Variants in NSMCE2 observed in about 807,000 individuals in gnomAD.
The protein encoded by NSMCE2 is E3 SUMO-protein ligase NSE2.
NSMCE2 carries 24 observed loss-of-function variants against 23.8 expected under a neutral mutation model. That is an observed-to-expected ratio of 1.01 (90% CI 0.73 to 1.42). The LOEUF (loss-of-function observed/expected upper bound fraction) is 1.42. Among genes scored for constraint, NSMCE2 ranks in the 40% most tolerant of loss-of-function variants. The pLI, the probability that NSMCE2 is intolerant of heterozygous loss-of-function variation, is 0.00. For synonymous variants in NSMCE2, 92 were observed against 94.1 expected, an observed-to-expected ratio of 0.98 and a Z score of 0.13; for missense variants, 284 against 296.5, an observed-to-expected ratio of 0.96 and a Z score of 0.31.
In NSMCE2 at chr8:125,099,233, G is replaced by A. The variant is rs543805181; in HGVS notation, c.-110-2818G>A. 4.6e-5 allele frequency among the ~76,000 whole-genome samples: 7 copies of A among 152,220 alleles called. No homozygotes were observed. The East Asian group carries it at 1.2e-3, about 25-fold the overall frequency. ...AATACCTGCCTTGAGGAAAGATAAA[G>A]CAGAAGCAGAAGGGTGGGAATGCCT... On this transcript the variant is annotated intron_variant, in intron 1 of 7. Transcript: ENST00000287437.
chr8:125,147,738 C>T (rs913436704), intron 3 of NSMCE2, among the ~76,000 whole-genome samples: 2 of 152,158 alleles, frequency 1.3e-5, no homozygotes, highest in African/African-American at 4.8e-5. Context: ...ACCACCCCAA[C>T]CCCCAGCAAC....
At chr8:125,122,668 A>G (rs1819327145) in intron 3 of NSMCE2, among the ~76,000 whole-genome samples, 1 of 152,004 alleles carries the variant, frequency 6.6e-6, no homozygotes, top group African/African-American at 2.4e-5. Context: ...AACCAAATTG[A>G]TCTCTTCTTG....
chr8:125,218,802 T>A (rs745375838), intron 5 of NSMCE2, among the ~76,000 whole-genome samples: 1 of 152,198 alleles, frequency 6.6e-6, no homozygotes, highest in Non-Finnish European at 1.5e-5. Flanking sequence ...ACAACATGAA[T>A]AAACTTGACA....
chr8:125,168,093 G>A (rs1040679090), intron 4 of NSMCE2, among the ~76,000 whole-genome samples: 2 of 152,104 alleles, frequency 1.3e-5, no homozygotes, highest in South Asian at 2.1e-4. Flanking sequence ...ATCACTAATC[G>A]ATGGGTTTAA....
chr8:125,218,271 G>T (rs1224994208), intron 5 of NSMCE2, among the ~76,000 whole-genome samples: 5 of 152,104 alleles, frequency 3.3e-5, no homozygotes, highest in African/African-American at 9.7e-5. Context: ...TACAGATAAT[G>T]CTGAGGATTC....
intron 3 of NSMCE2, among the ~76,000 whole-genome samples, chr8:125,120,866 G>A (rs35861494): frequency 0.057 from 8,735 of 152,244 alleles, 395 homozygotes; most frequent in South Asian, 0.15. Flanking sequence ...TTCTTTGAAG[G>A]CCTTGTAGAA....
At chr8:125,249,028 G>T (rs1161768747) in intron 5 of NSMCE2, among the ~76,000 whole-genome samples, 2 of 152,096 alleles carry the variant, frequency 1.3e-5, no homozygotes, top group Non-Finnish European at 2.9e-5. Context: ...AAAATTAGCC[G>T]AGTATGGTGG....
intron 5 of NSMCE2, among the ~76,000 whole-genome samples, chr8:125,272,054 C>T (rs1827221770): frequency 7.0e-6 from 1 of 142,108 alleles, no homozygotes; most frequent in Admixed American, 7.4e-5. Flanking sequence ...CGCTCTGTCA[C>T]CTGGGCTGGA....
chr8:125,184,964 T>C (rs1350852585), intron 5 of NSMCE2, among the ~76,000 whole-genome samples: 1 of 152,228 alleles, frequency 6.6e-6, no homozygotes, highest in African/African-American at 2.4e-5. Flanking sequence ...GATGCCTGTT[T>C]TGACAGAGTA....
intron 5 of NSMCE2, among the ~76,000 whole-genome samples, chr8:125,349,973 C>A (rs147386133): frequency 6.6e-6 from 1 of 152,202 alleles, no homozygotes; most frequent in Admixed American, 6.5e-5. Context: ...TGTGTTGCCA[C>A]GTCTGCTAAA....
chr8:125,354,834 G>A (rs569374207), intron 5 of NSMCE2, among the ~76,000 whole-genome samples: 3 of 152,108 alleles, frequency 2.0e-5, no homozygotes, highest in African/African-American at 7.2e-5. Context: ...CCTCAGTACA[G>A]CTTGAGCATC....
chr8:125,180,464 G>T (rs1212870513), intron 4 of NSMCE2, among the ~76,000 whole-genome samples: 2 of 152,196 alleles, frequency 1.3e-5, no homozygotes, highest in Non-Finnish European at 2.9e-5. Flanking sequence ...TAATCAAAAT[G>T]CATAGCAATT....
chr8:125,284,405 G>A (rs555838702), intron 5 of NSMCE2, among the ~76,000 whole-genome samples: 6 of 152,206 alleles, frequency 3.9e-5, no homozygotes, highest in Non-Finnish European at 8.8e-5. Flanking sequence ...GGAGTCACAT[G>A]GGGGTTTGAG....
At chr8:125,324,357 A>C in intron 5 of NSMCE2, among the ~76,000 whole-genome samples, 1 of 152,106 alleles carries the variant, frequency 6.6e-6, no homozygotes, top group East Asian at 1.9e-4. Flanking sequence ...TCTACTACAC[A>C]AATGTTCATA....
chr8:125,211,673 G>GGGGATTTTAT (rs1337605744), intron 5 of NSMCE2, among the ~76,000 whole-genome samples: 1 of 152,118 alleles, frequency 6.6e-6, no homozygotes, highest in Non-Finnish European at 1.5e-5. Flanking sequence ...TGCTCTTTAT[G>GGGGATTTTAT]GGGATTTTAT....
At chr8:125,301,686 C>T (rs1300956132) in intron 5 of NSMCE2, among the ~76,000 whole-genome samples, 1 of 148,286 alleles carries the variant, frequency 6.7e-6, no homozygotes, top group African/African-American at 2.5e-5. Context: ...ACAGAGTCTC[C>T]CTCTGTCACC....
intron 5 of NSMCE2, among the ~76,000 whole-genome samples, chr8:125,262,282 G>A (rs1165803844): frequency 6.6e-6 from 1 of 151,816 alleles, no homozygotes; most frequent in Non-Finnish European, 1.5e-5. Context: ...AAAATTAGCC[G>A]GGCGTGGTGG....
chr8:125,341,047 T>C (rs1378735835), intron 5 of NSMCE2, among the ~76,000 whole-genome samples: 1 of 152,198 alleles, frequency 6.6e-6, no homozygotes, highest in Non-Finnish European at 1.5e-5. Context: ...AGAGAGAGGC[T>C]TTCCCAATCA....
chr8:125,278,687 CTT>C (rs1180642957), intron 5 of NSMCE2, among the ~76,000 whole-genome samples: 2 of 152,026 alleles, frequency 1.3e-5, no homozygotes, highest in Admixed American at 1.3e-4. Context: ...AGAGGGTCTT[CTT>C]TTTTCTTTCT....
Sources: allele counts gnomAD v4.1 joint callset (sites outside exome capture counted in the v4.1 genomes callset), GRCh38; gene constraint gnomAD v4.1.1; transcripts MANE v1.5; gene names NCBI Gene and HGNC (gene_info 2026-07-23, HGNC 2026-07-21).